The following PAPSS1 variants were observed in gnomAD, a reference collection of about 807,000 sequenced individuals.
PAPSS1 encodes the protein bifunctional 3'-phosphoadenosine 5'-phosphosulfate synthase 1.
A neutral mutation model predicts 72.0 loss-of-function variants in PAPSS1; 50 were observed. The ratio of observed to expected loss-of-function variants is 0.69; its 90% CI spans 0.55 to 0.88. The LOEUF is 0.88. Ranked by LOEUF, PAPSS1 falls within the 40% of genes least tolerant of loss-of-function variation. The pLI is 0.00. For synonymous variants in PAPSS1, 261 were observed against 263.6 expected, an observed-to-expected ratio of 0.99 and a Z score of 0.09; for missense variants, 657 against 782.2, an observed-to-expected ratio of 0.84 and a Z score of 1.91.
intron 3 of PAPSS1, among the ~76,000 whole-genome samples, chr4:107,691,071 G>C (rs1036503288): frequency 2.0e-5 from 3 of 151,846 alleles, no homozygotes; most frequent in African/African-American, 7.3e-5. Flanking sequence ...TCAAGAAATG[G>C]TTTTTACAGA....
Position 107,693,826 on chromosome 4 carries a change from A to T in PAPSS1, c.356T>A (p.Leu119Gln). ...GCACACTAAGCCAGCATCTGCAAAC[A>T]GTTTAGCAACTTCTGCGATGCGTCG... is the stretch of plus-strand genomic sequence containing the variant. ...NVRRIAEVAK[L>Q]FADAGLVCIT... The change falls in exon 3 of 12, where the codon CTG becomes CAG. Residue 119 changes from leucine to glutamine, a missense_variant. Physicochemically the swap from Leu to Gln is moderately radical, Grantham distance 113. Coordinates refer to ENST00000265174, the MANE Select transcript of PAPSS1 (RefSeq NM_005443.5). The T allele has an allele frequency of 6.2e-7, 1 of 1,613,976 alleles. No individual in the cohort carries two copies.
At chr4:107,643,338 C>T (rs1330056437) in intron 10 of PAPSS1, among the ~76,000 whole-genome samples, 1 of 152,212 alleles carries the variant, frequency 6.6e-6, no homozygotes, top group Non-Finnish European at 1.5e-5. Flanking sequence ...GGTATGCCCC[C>T]TCCCATGGGC....
At chr4:107,653,439 A>G in intron 9 of PAPSS1, 52 bp downstream of exon 9, 1 of 1,556,752 alleles carries the variant, frequency 6.4e-7, no homozygotes, top group Non-Finnish European at 8.7e-7. Flanking sequence ...AAAATCGTCT[A>G]GAACTTTCTC....
At chr4:107,698,538 G>T (rs1010368252) in intron 2 of PAPSS1, among the ~76,000 whole-genome samples, 1 of 152,150 alleles carries the variant, frequency 6.6e-6, no homozygotes, top group East Asian at 1.9e-4. Flanking sequence ...GGGAGGACAG[G>T]GGGCAAACCA....
intron 5 of PAPSS1, among the ~76,000 whole-genome samples, chr4:107,664,941 T>G (rs1285998284): frequency 6.6e-6 from 1 of 152,200 alleles, no homozygotes; most frequent in Non-Finnish European, 1.5e-5. Flanking sequence ...ATAAAACTCT[T>G]CCCTCTTCAA....
chr4:107,626,029 A>AT (rs907754396), intron 11 of PAPSS1, among the ~76,000 whole-genome samples: 5 of 150,450 alleles, frequency 3.3e-5, no homozygotes, highest in African/African-American at 9.8e-5. Context: ...ATAAAAAAAA[A>AT]TAGCCGGGCG....
chr4:107,631,804 T>C lies in PAPSS1; in HGVS notation c.1563A>G (p.Gly521=), dbSNP rs1414736851. ...MVAGANFYIV[G]RDPAGMPHPE... ...GATGAGGCATGCCAGCAGGGTCTCG[T>C]CCAACAATGTAAAAGTTGGCTCCTG... Residue 521 remains glycine, a synonymous_variant, in exon 11 of 12, where the codon GGA becomes GGG. Coordinates refer to ENST00000265174, the MANE Select transcript of PAPSS1 (RefSeq NM_005443.5). 6.2e-7 allele frequency: 1 copy of C among 1,614,102 alleles called. No homozygotes were observed. Among genetic ancestry groups the C allele is most frequent in the Admixed American group, 1.7e-5 (1 of 60,026 alleles).
intron 4 of PAPSS1, among the ~76,000 whole-genome samples, chr4:107,683,541 T>A (rs1235678314): frequency 2.0e-5 from 3 of 152,148 alleles, no homozygotes; most frequent in Non-Finnish European, 4.4e-5. Flanking sequence ...CAGCAAAGCT[T>A]GACAAGCACT....
chr4:107,687,280 T>C (rs1470004196), intron 3 of PAPSS1, 103 bp from the exon 4 acceptor site: 4 of 780,032 alleles, frequency 5.1e-6, no homozygotes, highest in Non-Finnish European at 7.4e-6. Context: ...TAGTGGGAAA[T>C]AGACAAAATT....
At chr4:107,615,896 A>C (rs1230957084) in intron 11 of PAPSS1, among the ~76,000 whole-genome samples, 2 of 152,192 alleles carry the variant, frequency 1.3e-5, no homozygotes, top group African/African-American at 4.8e-5. Context: ...CACAGCAAGA[A>C]GGCAGCCATC....
intron 5 of PAPSS1, among the ~76,000 whole-genome samples, chr4:107,665,438 C>T (rs1253484821): frequency 2.0e-5 from 3 of 152,194 alleles, no homozygotes; most frequent in Non-Finnish European, 4.4e-5. Context: ...TTAGAAACAA[C>T]GTGCTCTTCT....
At chr4:107,637,920 T>C (rs559102306) in intron 10 of PAPSS1, among the ~76,000 whole-genome samples, 1 of 152,228 alleles carries the variant, frequency 6.6e-6, no homozygotes, top group South Asian at 2.1e-4. Context: ...ATCTTAGTTG[T>C]ACATTATCTA....
At chr4:107,663,766 G>A (rs939433316) in intron 5 of PAPSS1, among the ~76,000 whole-genome samples, 1 of 152,132 alleles carries the variant, frequency 6.6e-6, no homozygotes, top group Non-Finnish European at 1.5e-5. Context: ...CAATCCTGAG[G>A]CAGGCACTTT....
intron 1 of PAPSS1, among the ~76,000 whole-genome samples, chr4:107,701,640 T>C (rs1207633025): frequency 6.6e-6 from 1 of 152,190 alleles, no homozygotes; most frequent in Non-Finnish European, 1.5e-5. Context: ...TCCATTCAGA[T>C]AGTATCTACT....
chr4:107,665,628 G>A (rs762643412), intron 5 of PAPSS1, among the ~76,000 whole-genome samples: 1 of 152,118 alleles, frequency 6.6e-6, no homozygotes, highest in Non-Finnish European at 1.5e-5. Flanking sequence ...GAGTCCTCCT[G>A]AGCAGGGGAT....
chr4:107,621,606 A>ATTTTTTTTTTTTTT (rs1382723816), intron 11 of PAPSS1, among the ~76,000 whole-genome samples: 3 of 50,510 alleles, frequency 5.9e-5, no homozygotes, highest in Admixed American at 1.9e-4. Context: ...CAGGTTTTTT[A>ATTTTTTTTTTTTTT]TCTTTTTTTT....
chr4:107,710,392 AT>A (rs1723459305), intron 1 of PAPSS1, among the ~76,000 whole-genome samples: 1 of 152,104 alleles, frequency 6.6e-6, no homozygotes, highest in South Asian at 2.1e-4. Context: ...TGCCCATATC[AT>A]TCTTTTGTTA....
intron 5 of PAPSS1, among the ~76,000 whole-genome samples, chr4:107,680,821 G>T (rs2110335739): frequency 1.3e-5 from 2 of 152,200 alleles, no homozygotes; most frequent in African/African-American, 4.8e-5. Context: ...AACCTAGAAG[G>T]CAGAGATGAT....
chr4:107,629,462 C>T (rs1314022001), intron 11 of PAPSS1, among the ~76,000 whole-genome samples: 1 of 152,184 alleles, frequency 6.6e-6, no homozygotes, highest in East Asian at 1.9e-4. Context: ...GTTTGGCTTA[C>T]ACGATTCTGA....
Sources: gnomAD v4.1 joint callset for allele counts (sites outside exome capture counted in the v4.1 genomes callset) on GRCh38, gnomAD v4.1.1 for gene constraint, MANE v1.5 for transcripts, NCBI Gene and HGNC (gene_info 2026-07-23, HGNC 2026-07-21) for gene names.